LYZL4: variants seen among roughly 807,000 people sequenced by gnomAD.
The protein encoded by LYZL4 is lysozyme like 4, also known as lysozyme-like protein 4.
LYZL4 carries 13 observed loss-of-function variants against 17.6 expected under a neutral mutation model. That is an observed-to-expected ratio of 0.74 (90% confidence interval 0.48 to 1.18). The LOEUF (loss-of-function observed/expected upper bound fraction) is 1.18. LYZL4 is among the 50% of genes most tolerant of loss of function. LYZL4 has a pLI of 0.00. For synonymous variants in LYZL4, 64 were observed against 67.7 expected, an observed-to-expected ratio of 0.95 and a Z score of 0.27; for missense variants, 174 against 188.2, an observed-to-expected ratio of 0.92 and a Z score of 0.44.
the LYZL4 span, among the ~76,000 whole-genome samples, chr3:42,367,660 A>G: frequency 6.6e-6 from 1 of 152,192 alleles, no homozygotes; most frequent in African/African-American, 2.4e-5. Context: ...CTAAAGAATA[A>G]GATGCCCAAA....
At chr3:42,387,040 C>G in the LYZL4 span, among the ~76,000 whole-genome samples, 1 of 152,266 alleles carries the variant, frequency 6.6e-6, no homozygotes, top group South Asian at 2.1e-4. Context: ...TCCACCACCT[C>G]AAGGCTTAAT....
chr3:42,369,083 T>C, the LYZL4 span, among the ~76,000 whole-genome samples: 122,836 of 152,222 alleles, frequency 0.81, 50,243 homozygotes, highest in African/African-American at 0.94. Flanking sequence ...CTCTGCAGAT[T>C]TAATTGTTTT....
the LYZL4 span, among the ~76,000 whole-genome samples, chr3:42,364,207 C>T: frequency 1.3e-5 from 2 of 152,218 alleles, no homozygotes; most frequent in South Asian, 2.1e-4. Flanking sequence ...TGCCTCAGAA[C>T]ATTGCTGCAG....
the LYZL4 span, among the ~76,000 whole-genome samples, chr3:42,391,572 A>G: frequency 2.0e-5 from 3 of 152,204 alleles, no homozygotes; most frequent in African/African-American, 7.2e-5. Context: ...GCAATATGAG[A>G]CCATAATACT....
At position 42,406,932 on chromosome 3, in the gene LYZL4, C is replaced by T; in HGVS notation, c.206G>A (p.Gly69Asp). 3.7e-6 allele frequency: 6 copies of T among 1,614,224 alleles called. No individual in the cohort carries two copies. The highest frequency in any genetic ancestry group is 2.2e-5 in the East Asian group (1 of 44,890). ...PMAIYENTRE[G>D]YTGFGLFQMR... ...CTGAAAGAGGCCAAAGCCAGTGTAG[C>T]CCTCACGTGTGTTCTCGTAGATGGC... is the stretch of plus-strand genomic sequence containing the variant. The change falls in exon 3 of 5, where the codon GGC becomes GAC. Residue 69 changes from glycine to aspartate, a missense_variant. Gly to Asp is a moderately conservative substitution (Grantham distance 94). Transcript: ENST00000287748.
chr3:42,382,667 A>G, the LYZL4 span, among the ~76,000 whole-genome samples: 423 of 152,044 alleles, frequency 2.8e-3, no homozygotes, highest in Non-Finnish European at 4.6e-3. Flanking sequence ...CTAGTAAACC[A>G]TGGGGCTGGA....
chr3:42,390,034 G>A, the LYZL4 span, among the ~76,000 whole-genome samples: 11 of 152,280 alleles, frequency 7.2e-5, no homozygotes, highest in African/African-American at 2.4e-4. Flanking sequence ...CTTTAAAAAA[G>A]ACCACTGGTT....
the LYZL4 span, among the ~76,000 whole-genome samples, chr3:42,382,353 AG>A: frequency 6.6e-6 from 1 of 152,198 alleles, no homozygotes; most frequent in Non-Finnish European, 1.5e-5. Context: ...CTTGACAGAT[AG>A]TCTTTGCTCC....
Position 42,397,256 on chromosome 3 carries a change from T to G in LYZL4, c.*9A>C, listed in dbSNP as rs1166475895. ...CAACTGGTGAGTGCTGCAGGGGCCA[T>G]GCAGGTGGCTACAGCTTGCAACCAT... is the stretch of plus-strand genomic sequence containing the variant. On this transcript the variant is annotated 3_prime_UTR_variant, in exon 5 of 5. Coordinates refer to ENST00000287748, the MANE Select transcript of LYZL4 (RefSeq NM_144634.4). The G allele has an allele frequency of 1.3e-6, 2 of 1,554,670 alleles. No homozygotes were observed.
the LYZL4 span, among the ~76,000 whole-genome samples, chr3:42,385,755 G>A: frequency 6.6e-6 from 1 of 152,070 alleles, no homozygotes; most frequent in African/African-American, 2.4e-5. Context: ...TCTGTAAAAC[G>A]GTAATACTAA....
chr3:42,381,332 T>G, the LYZL4 span, among the ~76,000 whole-genome samples: 3 of 152,184 alleles, frequency 2.0e-5, no homozygotes, highest in South Asian at 6.2e-4. Flanking sequence ...TTTTAGTATT[T>G]CAATCTATAT....
chr3:42,399,041 A>T (rs929895256), intron 4 of LYZL4, among the ~76,000 whole-genome samples: 25 of 152,268 alleles, frequency 1.6e-4, no homozygotes, highest in African/African-American at 6.0e-4. Context: ...TGGACTAAGA[A>T]TATAAGTAAA....
chr3:42,390,404 C>G, the LYZL4 span, among the ~76,000 whole-genome samples: 27 of 152,292 alleles, frequency 1.8e-4, no homozygotes, highest in African/African-American at 6.5e-4. Context: ...TCAACAACAA[C>G]GATTTCTCTT....
the LYZL4 span, among the ~76,000 whole-genome samples, chr3:42,367,154 C>A: frequency 4.4e-3 from 676 of 152,242 alleles, 2 homozygotes; most frequent in African/African-American, 0.015. Flanking sequence ...CCGGTTGCCT[C>A]GATGACCCAA....
intron 3 of LYZL4, among the ~76,000 whole-genome samples, chr3:42,406,303 A>G (rs1698746931): frequency 6.6e-6 from 1 of 151,980 alleles, no homozygotes; most frequent in African/African-American, 2.4e-5. Context: ...AATACAAAAA[A>G]TTTAGCCAGG....
downstream of LYZL4, among the ~76,000 whole-genome samples, chr3:42,395,854 A>T (rs1289534501): frequency 6.6e-6 from 1 of 152,130 alleles, no homozygotes; most frequent in Non-Finnish European, 1.5e-5. Flanking sequence ...TGAGGTCAGG[A>T]GTTCAAGACC....
chr3:42,395,898 T>G (rs540590845), downstream of LYZL4, among the ~76,000 whole-genome samples: 31 of 152,042 alleles, frequency 2.0e-4, no homozygotes, highest in South Asian at 2.7e-3. Flanking sequence ...CCGTCTTTAC[T>G]AAAAATACAA....
the LYZL4 span, among the ~76,000 whole-genome samples, chr3:42,375,591 C>G: frequency 6.6e-6 from 1 of 152,038 alleles, no homozygotes; most frequent in Non-Finnish European, 1.5e-5. Flanking sequence ...ACTGAAGTAC[C>G]CAGAGAGAGG....
chr3:42,361,852 A>G, the LYZL4 span, among the ~76,000 whole-genome samples: 1 of 152,244 alleles, frequency 6.6e-6, no homozygotes, highest in Non-Finnish European at 1.5e-5. Context: ...GACCTCTCCC[A>G]CTATCAACCT....
Sources: allele counts gnomAD v4.1 joint callset (sites outside exome capture counted in the v4.1 genomes callset), GRCh38; gene constraint gnomAD v4.1.1; transcripts MANE v1.5; gene names NCBI Gene and HGNC (gene_info 2026-07-23, HGNC 2026-07-21).